The following VBP1 variants were observed in gnomAD, a reference collection of about 807,000 sequenced individuals.
VBP1 encodes VHL binding protein 1, also known as prefoldin subunit 3.
In VBP1, 4 loss-of-function variants were observed where a neutral mutation model predicts 15.5. The observed-to-expected ratio is 0.26, with a 90% CI of 0.13 to 0.59. The LOEUF (loss-of-function observed/expected upper bound fraction) is 0.59. Ranked by LOEUF, VBP1 falls within the 20% of genes least tolerant of loss-of-function variation. VBP1 has a pLI of 0.90. For synonymous variants in VBP1, 61 were observed against 52.1 expected, an observed-to-expected ratio of 1.17 and a Z score of -0.74; for missense variants, 108 against 139.6, an observed-to-expected ratio of 0.77 and a Z score of 1.14.
At chrX:155,227,983 T>C (rs1602889994) in intron 3 of VBP1, among the ~76,000 whole-genome samples, 1 of 112,218 alleles carries the variant, frequency 8.9e-6, no homozygotes, top group African/African-American at 3.2e-5. Context: ...AACTGATTGA[T>C]TGGGCATGAA....
At chrX:155,237,478 A>G (rs2074779441) in intron 5 of VBP1, among the ~76,000 whole-genome samples, 1 of 111,263 alleles carries the variant, frequency 9.0e-6, no homozygotes, top group African/African-American at 3.3e-5. Flanking sequence ...TCTGGTTACA[A>G]TATTTCAACG....
chrX:155,213,883 G>A (rs1412623399), upstream of VBP1, among the ~76,000 whole-genome samples: 6 of 112,042 alleles, frequency 5.4e-5, no homozygotes, highest in Non-Finnish European at 1.1e-4. Context: ...TATTTACATC[G>A]ATTGTATCTG....
chrX:155,221,476 C>T (rs782048897), intron 2 of VBP1, among the ~76,000 whole-genome samples: 7 of 111,611 alleles, frequency 6.3e-5, no homozygotes, highest in South Asian at 7.5e-4. Flanking sequence ...ACTCCAGCCT[C>T]GGCAAAAGTG....
At position 155,199,456 on chromosome X, in the gene VBP1, A is replaced by G. The variant is rs1172408550; in HGVS notation, c.-31+2317A>G. 2.7e-5 allele frequency among the ~76,000 whole-genome samples: 3 copies of G among 111,855 alleles called. No homozygotes were observed. In the East Asian group the frequency reaches 8.4e-4, roughly 31 times the overall value. ...AGAAGAGAGTGAGGGCCAATATTCA[A>G]CATTCTTAAAGAAAAGAATTTTCAA... On this transcript the variant is annotated intron_variant, in intron 1 of 6. Coordinates refer to the VBP1 transcript ENST00000535916.
At chrX:155,202,689 T>C (rs1306667544) in intron 1 of VBP1, among the ~76,000 whole-genome samples, 1 of 106,608 alleles carries the variant, frequency 9.4e-6, no homozygotes, top group Non-Finnish European at 1.9e-5. Context: ...ATTCAGGACA[T>C]AGGCATGGGC....
At chrX:155,238,496 A>G (rs782224884) in intron 5 of VBP1, among the ~76,000 whole-genome samples, 1 of 112,320 alleles carries the variant, frequency 8.9e-6, no homozygotes, top group Non-Finnish European at 1.9e-5. Context: ...CATATTTGTT[A>G]AATATATCAT....
upstream of VBP1, chrX:155,213,414 T>C (rs782018791): frequency 8.9e-6 from 1 of 112,144 alleles, no homozygotes; most frequent in Non-Finnish European, 1.9e-5. Flanking sequence ...CAGAACCTGT[T>C]ACCTGCACAA....
At position 155,223,251 on chromosome X, in the gene VBP1, G is replaced by A. The variant is rs2074699633; in HGVS notation, c.218+2944G>A. Among the ~76,000 whole-genome samples the A allele has an allele frequency of 7.6e-5, 8 of 104,862 alleles. No individual in the cohort carries two copies. In the Admixed American group the frequency reaches 8.2e-4, roughly 11 times the overall value. The allele number at this position is 104,862 out of a possible 115,157, so 91.1% of individuals were successfully genotyped here. On this transcript the variant is annotated intron_variant, in intron 2 of 5. Coordinates refer to ENST00000286428, the MANE Select transcript of VBP1 (RefSeq NM_003372.7). ...TTCTTGGGTGTTTCTCGGAGAGGGG[G>A]ATTTGGCAGGGTCATAGGACAATAG...
At chrX:155,220,397 A>G (rs2074683589) in intron 2 of VBP1, 90 bp downstream of exon 2, 14 of 820,398 alleles carry the variant, frequency 1.7e-5, no homozygotes, top group Non-Finnish European at 1.8e-5. Context: ...TAAAATATTC[A>G]GATGTCAAGT....
chrX:155,236,216 T>G lies in VBP1; in HGVS notation c.385-13T>G, dbSNP rs1602897854. The G allele has an allele frequency of 6.7e-6, 8 of 1,202,564 alleles. No homozygotes were observed. The highest frequency in any genetic ancestry group is 9.0e-6 in the Non-Finnish European group (8 of 891,630). Reference sequence around the variant, plus strand: ...GTAAATATTGAGTAATTGTCATGACTTTCTCTCTTCAGGCTAATGTAATGC... The same window carrying G: ...GTAAATATTGAGTAATTGTCATGACGTTCTCTCTTCAGGCTAATGTAATGC... On this transcript the variant is annotated splice_polypyrimidine_tract_variant and intron_variant, in intron 4 of 5. Transcript: ENST00000286428.
chrX:155,237,484 C>T (rs782484713), intron 5 of VBP1, among the ~76,000 whole-genome samples: 72 of 111,398 alleles, frequency 6.5e-4, no homozygotes, highest in Non-Finnish European at 1.2e-3. Context: ...TACAATATTT[C>T]AACGGTTCCT....
chrX:155,232,034 T>C (rs1557310955), intron 4 of VBP1, among the ~76,000 whole-genome samples: 1 of 112,089 alleles, frequency 8.9e-6, no homozygotes, highest in Non-Finnish European at 1.9e-5. Context: ...CTACCAATTT[T>C]CATTTTCTCC....
At chrX:155,233,977 C>T (rs782245515) in intron 4 of VBP1, among the ~76,000 whole-genome samples, 2 of 110,542 alleles carry the variant, frequency 1.8e-5, no homozygotes, top group African/African-American at 6.6e-5. Context: ...GAAATAGAAC[C>T]AGTAGGATAT....
chrX:155,228,607 C>T (rs2074731085), intron 4 of VBP1, 125 bp downstream of exon 4: 1 of 536,140 alleles, frequency 1.9e-6, no homozygotes, highest in Non-Finnish European at 3.0e-6. Flanking sequence ...GTAAAGTGTT[C>T]ATCTCCTTTT....
intron 1 of VBP1, among the ~76,000 whole-genome samples, chrX:155,217,093 G>T (rs1246100214): frequency 8.9e-6 from 1 of 112,406 alleles, no homozygotes; most frequent in East Asian, 2.8e-4. Context: ...AGGATGATAG[G>T]TTGGGAGTGT....
exon 2 of VBP1, chrX:155,208,972 A>G: frequency 8.7e-7 from 1 of 1,154,840 alleles, no homozygotes; most frequent in Non-Finnish European, 1.1e-6. Flanking sequence ...CTCCATCCCC[A>G]GAGCATCAGG....
chrX:155,210,010 T>A (rs1557308387), intron 2 of VBP1, among the ~76,000 whole-genome samples: 1 of 111,732 alleles, frequency 8.9e-6, no homozygotes, highest in Non-Finnish European at 1.9e-5. Flanking sequence ...AAACGTTTAC[T>A]TGGAAGACAT....
At chrX:155,220,099 T>C in intron 1 of VBP1, 84 bp from the exon 2 acceptor site, 1 of 958,651 alleles carries the variant, frequency 1.0e-6, no homozygotes. Context: ...CTTTTTTTTC[T>C]TCTATGTTTT....
upstream of VBP1, chrX:155,213,016 G>C (rs2074649870): frequency 8.9e-6 from 1 of 112,347 alleles, no homozygotes; most frequent in Non-Finnish European, 1.9e-5. Flanking sequence ...AGGGTAGTGA[G>C]TATGGAGGCC....
Sources: gnomAD v4.1 joint callset for allele counts (sites outside exome capture counted in the v4.1 genomes callset) on GRCh38, gnomAD v4.1.1 for gene constraint, MANE v1.5 for transcripts, NCBI Gene and HGNC (gene_info 2026-07-23, HGNC 2026-07-21) for gene names.